The following ADAMTSL1 variants were observed in gnomAD, a reference collection of about 807,000 sequenced individuals.
The protein encoded by ADAMTSL1 is ADAMTS-like protein 1.
A neutral mutation model predicts 201.8 loss-of-function variants in ADAMTSL1; 126 were observed. The ratio of observed to expected loss-of-function variants is 0.62; its 90% CI spans 0.54 to 0.72. The LOEUF is 0.72. ADAMTSL1 is among the 30% of genes least tolerant of loss of function. The pLI is 0.00. For missense variants in ADAMTSL1, 2,679 were observed against 2,277.8 expected (o/e 1.18, Z -3.59); for synonymous variants, 1,121 against 903.4 (o/e 1.24, Z -4.32).
intron 5 of ADAMTSL1, among the ~76,000 whole-genome samples, chr9:18,633,670 T>C (rs1826924930): frequency 6.6e-6 from 1 of 150,726 alleles, no homozygotes; most frequent in African/African-American, 2.4e-5. Flanking sequence ...TCCTTTTCTA[T>C]ATTCCCCTTA....
At chr9:18,050,507 T>C (rs539505865) in intron 1 of ADAMTSL1, among the ~76,000 whole-genome samples, 9 of 152,364 alleles carry the variant, frequency 5.9e-5, no homozygotes, top group African/African-American at 2.2e-4. Context: ...TTGGTCCAGC[T>C]GCTTCCATAT....
intron 6 of ADAMTSL1, among the ~76,000 whole-genome samples, chr9:18,638,516 C>T (rs1827242798): frequency 6.6e-6 from 1 of 152,042 alleles, no homozygotes; most frequent in Non-Finnish European, 1.5e-5. Flanking sequence ...ACATAATTAC[C>T]ATCATCCCCA....
chr9:18,669,826 TCC>T, intron 9 of ADAMTSL1, among the ~76,000 whole-genome samples: 1 of 152,128 alleles, frequency 6.6e-6, no homozygotes, highest in African/African-American at 2.4e-5. Flanking sequence ...TCTGATCTCA[TCC>T]AGTACTTAGT....
rs1373942468 is a variant in ADAMTSL1, at chr9:18,533,209, A to G, written c.192-38A>G. On this transcript the variant is annotated intron_variant, in intron 2 of 28. Transcript: ENST00000380548. ...AAATATTTCTGATTTTGAGCTTTTCATAAGTAGTAATATTTCTTTTTTCTT... is the reference window on the plus strand; with the variant it reads ...AAATATTTCTGATTTTGAGCTTTTCGTAAGTAGTAATATTTCTTTTTTCTT... 7.0e-6 allele frequency: 11 copies of G among 1,566,734 alleles called. No homozygotes were observed. The South Asian group carries it at 9.2e-5, about 13-fold the overall frequency.
chr9:18,817,304 C>G, intron 21 of ADAMTSL1, 67 bp downstream of exon 21: 2 of 1,461,078 alleles, frequency 1.4e-6, no homozygotes, highest in African/African-American at 1.4e-5. Context: ...GATACAAAGA[C>G]AAATTAGACA....
chr9:18,610,632 A>G (rs1450144084), intron 4 of ADAMTSL1, among the ~76,000 whole-genome samples: 1 of 152,332 alleles, frequency 6.6e-6, no homozygotes, highest in Admixed American at 6.5e-5. Context: ...ATTAATATAA[A>G]GTAATAAGTT....
At chr9:18,318,627 C>G (rs1054489327) in intron 2 of ADAMTSL1, among the ~76,000 whole-genome samples, 1 of 152,112 alleles carries the variant, frequency 6.6e-6, no homozygotes, top group Non-Finnish European at 1.5e-5. Context: ...CTCTTCCTTA[C>G]AGTGGTGTAT....
intron 2 of ADAMTSL1, among the ~76,000 whole-genome samples, chr9:18,447,134 A>C (rs1377378521): frequency 6.6e-6 from 1 of 152,208 alleles, no homozygotes; most frequent in Non-Finnish European, 1.5e-5. Flanking sequence ...CAAGTAACAA[A>C]ATCAAAATAA....
Position 18,757,096 on chromosome 9 carries a change from T to G in ADAMTSL1, c.2217+3588T>G, listed in dbSNP as rs556132540. 2.6e-5 allele frequency among the ~76,000 whole-genome samples: 4 copies of G among 152,342 alleles called. No individual in the cohort carries two copies. The East Asian group carries it at 7.7e-4, about 29-fold the overall frequency. ...TAGCTTTGGTTGTTAGGGGACCATT[T>G]TTATTTCAGTTCTTCCTCTTAATAC... On this transcript the variant is annotated intron_variant, in intron 16 of 28. Coordinates refer to ENST00000380548, the MANE Select transcript of ADAMTSL1 (RefSeq NM_001040272.6).
At chr9:18,102,709 C>A (rs1489948869) in intron 1 of ADAMTSL1, among the ~76,000 whole-genome samples, 2 of 152,086 alleles carry the variant, frequency 1.3e-5, no homozygotes, top group Non-Finnish European at 2.9e-5. Flanking sequence ...ACCAAATAGA[C>A]CAGTTTTTCT....
At chr9:18,767,044 T>C (rs1376083005) in intron 16 of ADAMTSL1, among the ~76,000 whole-genome samples, 1 of 152,140 alleles carries the variant, frequency 6.6e-6, no homozygotes, top group Admixed American at 6.5e-5. Context: ...AAGGAAAAAC[T>C]CAGGGGCCAA....
At chr9:18,848,436 C>A (rs1049993063) in intron 23 of ADAMTSL1, among the ~76,000 whole-genome samples, 1 of 152,182 alleles carries the variant, frequency 6.6e-6, no homozygotes. Flanking sequence ...TCAGACCTAG[C>A]CTTTACATCC....
intron 23 of ADAMTSL1, among the ~76,000 whole-genome samples, chr9:18,844,161 T>C (rs1825929128): frequency 6.6e-6 from 1 of 152,198 alleles, no homozygotes; most frequent in African/African-American, 2.4e-5. Context: ...CCTATCTTTG[T>C]GGTTTTATCT....
At position 18,717,956 on chromosome 9, in the gene ADAMTSL1, G is replaced by A. The variant is rs1365346730; in HGVS notation, c.1877-3580G>A. The A allele has an allele frequency of 3.4e-5, 50 of 1,453,170 alleles. 1 individual carries two copies. The Middle Eastern group carries it at 7.2e-4, about 21-fold the overall frequency. The allele number at this position is 1,453,170 out of a possible 1,614,324, so 90.0% of individuals were successfully genotyped here. A position where few individuals can be genotyped will look rare whatever the true frequency, so the allele number is the denominator to read the frequency against. ...AGTTCTTCAGAGCTGACTCAGAGCT[G>A]CAATGCACTTAGTACATTAAAGCAG... On this transcript the variant is annotated intron_variant, in intron 14 of 28. Transcript: ENST00000380548.
intron 2 of ADAMTSL1, among the ~76,000 whole-genome samples, chr9:18,367,621 C>T (rs1392831927): frequency 4.0e-5 from 6 of 151,878 alleles, no homozygotes; most frequent in African/African-American, 1.5e-4. Context: ...CACTGTTGTT[C>T]TAAGCACTTT....
chr9:18,152,530 A>T (rs967911304), intron 1 of ADAMTSL1, among the ~76,000 whole-genome samples: 1 of 152,024 alleles, frequency 6.6e-6, no homozygotes, highest in African/African-American at 2.4e-5. Context: ...TCCTGGGATC[A>T]TCTATGGTTA....
chr9:18,464,000 T>G (rs952177337), intron 2 of ADAMTSL1, among the ~76,000 whole-genome samples: 4 of 152,248 alleles, frequency 2.6e-5, no homozygotes, highest in African/African-American at 9.6e-5. Flanking sequence ...CATGCAGCTA[T>G]GCCAGAGGTG....
chr9:18,036,124 A>C (rs1821185179), intron 1 of ADAMTSL1, among the ~76,000 whole-genome samples: 1 of 152,142 alleles, frequency 6.6e-6, no homozygotes, highest in Non-Finnish European at 1.5e-5. Flanking sequence ...GATGGTTAGG[A>C]GTTGGCCAAG....
In ADAMTSL1 at chr9:18,693,684, A is replaced by G. The variant is rs1831375876; in HGVS notation, c.1574+8884A>G. Reference sequence around the variant, plus strand: ...CTCTTATCCTTCTGTTTATCAATCCATTTATTTCTTTGAAAAATTATTTAT... The same window carrying G: ...CTCTTATCCTTCTGTTTATCAATCCGTTTATTTCTTTGAAAAATTATTTAT... On this transcript the variant is annotated intron_variant, in intron 13 of 28. Transcript: ENST00000380548. Among the ~76,000 whole-genome samples, 3 of 152,272 alleles carry G rather than the reference A, an allele frequency of 2.0e-5. No individual in the cohort carries two copies. The South Asian group carries it at 6.2e-4, about 32-fold the overall frequency.
Sources: gnomAD v4.1 joint callset for allele counts (sites outside exome capture counted in the v4.1 genomes callset) on GRCh38, gnomAD v4.1.1 for gene constraint, MANE v1.5 for transcripts, NCBI Gene and HGNC (gene_info 2026-07-23, HGNC 2026-07-21) for gene names.